Variants in PPP2R2C observed in about 807,000 individuals in gnomAD.
PPP2R2C encodes the protein protein phosphatase 2 regulatory subunit Bgamma.
PPP2R2C carries 10 observed loss-of-function variants against 45.3 expected under a neutral mutation model. That is an observed-to-expected ratio of 0.22 (90% CI 0.14 to 0.37). The LOEUF (loss-of-function observed/expected upper bound fraction) is 0.37. PPP2R2C is among the 10% of genes least tolerant of loss of function. The pLI, the probability that PPP2R2C is intolerant of heterozygous loss-of-function variation, is 1.00. For missense variants in PPP2R2C, 308 were observed against 619.7 expected (o/e 0.50, Z 5.34); for synonymous variants, 257 against 245.4 (o/e 1.05, Z -0.44).
intron 5 of PPP2R2C, among the ~76,000 whole-genome samples, 153 bp from the exon 6 acceptor site, chr4:6,348,163 G>A (rs1489559829): frequency 2.6e-5 from 4 of 151,830 alleles, no homozygotes; most frequent in African/African-American, 9.7e-5. Context: ...GCGTCCCCCT[G>A]AGCTGCAGAC....
At chr4:6,411,307 C>A (rs909283477) in intron 1 of PPP2R2C, among the ~76,000 whole-genome samples, 6 of 152,304 alleles carry the variant, frequency 3.9e-5, no homozygotes, top group Admixed American at 1.3e-4. Flanking sequence ...CACCTTTCAG[C>A]CCCACTAGGA....
At chr4:6,456,367 T>C (rs1317344681) in intron 1 of PPP2R2C, among the ~76,000 whole-genome samples, 3 of 144,602 alleles carry the variant, frequency 2.1e-5, no homozygotes, top group Non-Finnish European at 4.5e-5. Context: ...TGAAATAAAA[T>C]AGAGAAATAA....
At chr4:6,555,318 TG>T (rs1456527103) in intron 1 of PPP2R2C, among the ~76,000 whole-genome samples, 1 of 152,240 alleles carries the variant, frequency 6.6e-6, no homozygotes, top group Non-Finnish European at 1.5e-5. Context: ...TGGCCACGTC[TG>T]GGGCTGCCCT....
chr4:6,555,086 C>T (rs1481246000), intron 1 of PPP2R2C, among the ~76,000 whole-genome samples: 1 of 152,148 alleles, frequency 6.6e-6, no homozygotes, highest in Non-Finnish European at 1.5e-5. Context: ...CAGTGTCTGA[C>T]AAGGGCTCTG....
At chr4:6,402,513 C>A (rs551082637) in intron 1 of PPP2R2C, among the ~76,000 whole-genome samples, 5 of 152,072 alleles carry the variant, frequency 3.3e-5, no homozygotes, top group African/African-American at 9.7e-5. Context: ...TTCCTTCTTG[C>A]CTTCCTTCCT....
intron 2 of PPP2R2C, among the ~76,000 whole-genome samples, chr4:6,499,076 C>T (rs778719865): frequency 1.2e-4 from 18 of 152,130 alleles, no homozygotes; most frequent in Non-Finnish European, 1.9e-4. Context: ...GGACGTGGTG[C>T]CCAAGGCAGA....
intron 1 of PPP2R2C, among the ~76,000 whole-genome samples, chr4:6,437,213 G>C (rs188603520): frequency 6.6e-6 from 1 of 152,126 alleles, no homozygotes; most frequent in Non-Finnish European, 1.5e-5. Flanking sequence ...GGTTTCTTTA[G>C]GCATCCAAGT....
At chr4:6,356,263 C>T (rs796729267) in intron 5 of PPP2R2C, among the ~76,000 whole-genome samples, 6 of 152,212 alleles carry the variant, frequency 3.9e-5, no homozygotes, top group African/African-American at 9.6e-5. Flanking sequence ...GCAGCTAACA[C>T]GTGCGGCCGG....
intron 1 of PPP2R2C, among the ~76,000 whole-genome samples, chr4:6,416,014 A>G (rs753340583): frequency 2.6e-5 from 4 of 152,174 alleles, no homozygotes; most frequent in African/African-American, 9.7e-5. Flanking sequence ...CCCAGGACCA[A>G]TTTTTTATCC....
At position 6,393,053 on chromosome 4, in the gene PPP2R2C, G is replaced by A. The variant is rs550400197; in HGVS notation, c.71-11959C>T. On this transcript the variant is annotated intron_variant, in intron 1 of 8. Coordinates refer to ENST00000382599, the MANE Select transcript of PPP2R2C (RefSeq NM_020416.4). ...CTATTTTAGCATTTCTAAAGTTGAGGTACAATATACATAACATGAAATTCA... is the reference window on the plus strand; with the variant it reads ...CTATTTTAGCATTTCTAAAGTTGAGATACAATATACATAACATGAAATTCA... 2.0e-5 allele frequency among the ~76,000 whole-genome samples: 3 copies of A among 152,256 alleles called. No individual in the cohort carries two copies. The East Asian group carries it at 5.8e-4, about 29-fold the overall frequency.
intron 2 of PPP2R2C, among the ~76,000 whole-genome samples, chr4:6,503,954 G>T (rs1338133248): frequency 1.3e-5 from 2 of 152,216 alleles, no homozygotes; most frequent in Non-Finnish European, 2.9e-5. Flanking sequence ...TCAAAAGCAG[G>T]TGGGTACTGG....
chr4:6,465,038 G>A (rs1721523465), intron 1 of PPP2R2C, among the ~76,000 whole-genome samples: 1 of 152,194 alleles, frequency 6.6e-6, no homozygotes, highest in Admixed American at 6.5e-5. Flanking sequence ...AATGATGGTT[G>A]TCAATACGTG....
At chr4:6,554,968 AGAAAG>A (rs376566279) in intron 1 of PPP2R2C, among the ~76,000 whole-genome samples, 7,118 of 133,920 alleles carry the variant, frequency 0.053, 228 homozygotes, top group Admixed American at 0.074. Flanking sequence ...AGAAAGAAAG[AGAAAG>A]AAAGAAAAGA....
intron 5 of PPP2R2C, chr4:6,348,949 G>T: frequency 1.1e-6 from 1 of 930,924 alleles, no homozygotes; most frequent in Non-Finnish European, 1.3e-6. Flanking sequence ...GCACAGAGAA[G>T]ATGAGCAACT....
chr4:6,341,364 C>T (rs558311774), intron 6 of PPP2R2C, among the ~76,000 whole-genome samples: 2 of 150,094 alleles, frequency 1.3e-5, no homozygotes, highest in Non-Finnish European at 3.0e-5. Context: ...AAAAACCCAG[C>T]TCACCCACAA....
At chr4:6,380,935 C>A in intron 2 of PPP2R2C, 62 bp downstream of exon 2, 1 of 1,454,776 alleles carries the variant, frequency 6.9e-7, no homozygotes, top group Non-Finnish European at 9.1e-7. Context: ...CCACCATGCC[C>A]GCCTCCCACC....
chr4:6,368,616 C>T lies in PPP2R2C; in HGVS notation c.625+3907G>A, dbSNP rs1272221397. Among the ~76,000 whole-genome samples the T allele has an allele frequency of 6.6e-6, 1 of 152,182 alleles. No homozygotes were observed. The highest frequency in any genetic ancestry group is 1.5e-5 in the Non-Finnish European group (1 of 68,030). On this transcript the variant is annotated intron_variant, in intron 5 of 8. Transcript: ENST00000382599. The surrounding 1 kb of genome is among the most constrained non-coding windows in gnomAD (Gnocchi z 4.2). ...TGAACCAACCCCCTTTTCTTCTTTA[C>T]AGCCAACCTGTCTGAATGTCTTGTG...
intron 2 of PPP2R2C, among the ~76,000 whole-genome samples, chr4:6,505,354 C>T (rs1723188571): frequency 1.3e-5 from 2 of 152,094 alleles, no homozygotes; most frequent in African/African-American, 4.8e-5. Context: ...ATGAAGAACA[C>T]TGGAAATGGT....
intron 4 of PPP2R2C, among the ~76,000 whole-genome samples, chr4:6,373,845 A>G (rs1029780964): frequency 2.6e-5 from 4 of 152,028 alleles, no homozygotes; most frequent in Non-Finnish European, 4.4e-5. Flanking sequence ...GAGTGTGTGC[A>G]TATGAGTGTG....
Sources: gnomAD v4.1 joint callset for allele counts (sites outside exome capture counted in the v4.1 genomes callset) on GRCh38, gnomAD v4.1.1 for gene constraint, Gnocchi (gnomAD v3.1) non-coding constraint, MANE v1.5 for transcripts, NCBI Gene and HGNC (gene_info 2026-07-23, HGNC 2026-07-21) for gene names.